Variants in DDX24 observed in about 807,000 individuals in gnomAD.
DDX24 encodes the protein DEAD-box helicase 24.
Under a neutral mutation model 68.9 loss-of-function variants are expected in DDX24, and 24 were observed. The ratio of observed to expected loss-of-function variants is 0.35; its 90% CI spans 0.25 to 0.49. DDX24 has a LOEUF of 0.49. Among genes scored for constraint, DDX24 ranks in the 20% least tolerant of loss-of-function variants. The pLI is 0.99. For missense variants in DDX24, 989 were observed against 1,039.0 expected (o/e 0.95, Z 0.66); for synonymous variants, 395 against 385.2 (o/e 1.03, Z -0.30).
rs1341953019 is a variant in DDX24 at position 94,060,222 on chromosome 14, T to G, written c.1789A>C (p.Ile597Leu). 1 of 1,614,210 alleles carries G rather than the reference T, an allele frequency of 6.2e-7. No homozygotes were observed. Among genetic ancestry groups the G allele is most frequent in the Non-Finnish European group, 8.5e-7 (1 of 1,180,044 alleles). Residue 597 changes from isoleucine to leucine, a missense_variant, in exon 5 of 9, where the codon ATC becomes CTC. Around this residue, in one of 3 missense-constraint regions of DDX24, gnomAD observed 691 missense variants for 760.0 expected, o/e 0.91. Coordinates refer to ENST00000621632, the MANE Select transcript of DDX24 (RefSeq NM_020414.4). ...PGRSLVFANSISCIKRLSGLL... is the reference protein window; with the variant it reads ...PGRSLVFANSLSCIKRLSGLL... Reference sequence around the variant, plus strand: ...CCAGAGAGGCGTTTGATGCAGGAGATACTGTTGGCAAACACTAAGCTGCGG... The same window carrying G: ...CCAGAGAGGCGTTTGATGCAGGAGAGACTGTTGGCAAACACTAAGCTGCGG...
At chr14:94,060,865 CA>C in intron 4 of DDX24, 47 bp downstream of exon 4, 1 of 1,605,908 alleles carries the variant, frequency 6.2e-7, no homozygotes, top group African/African-American at 1.3e-5. Context: ...ACCTAAGGCT[CA>C]TTTCAGAAAA....
At chr14:94,070,499 G>GA (rs1399294617) in intron 2 of DDX24, among the ~76,000 whole-genome samples, 2 of 152,058 alleles carry the variant, frequency 1.3e-5, no homozygotes, top group Admixed American at 1.3e-4. Flanking sequence ...CACAGAATTA[G>GA]AAAAAACAAT....
rs752303726 is a variant in DDX24, at chr14:94,079,064, T to G, written c.679A>C (p.Ile227Leu). Residue 227 changes from isoleucine to leucine, a missense_variant, in exon 2 of 9, where the codon ATC (isoleucine) becomes CTC (leucine). By Grantham distance (5) the Ile-to-Leu change is conservative. Coordinates refer to ENST00000621632, the MANE Select transcript of DDX24 (RefSeq NM_020414.4). The part of the protein sequence containing the change: ...PIQALTLAPA[I>L]RDKLDILGAA... ...CCAAGGATGTCCAGTTTGTCACGGATGGCAGGTGCCAAGGTCAGGGCTTGG... is the reference window on the plus strand; with the variant it reads ...CCAAGGATGTCCAGTTTGTCACGGAGGGCAGGTGCCAAGGTCAGGGCTTGG... 10 of 1,614,156 alleles carry G rather than the reference T, an allele frequency of 6.2e-6. No individual in the cohort carries two copies. The highest frequency in any genetic ancestry group is 8.5e-6 in the Non-Finnish European group (10 of 1,180,022).
chr14:94,049,011 A>C lies in DDX24; in HGVS notation c.*2180T>G, dbSNP rs367629354. 16 of 152,390 alleles carry C rather than the reference A, an allele frequency of 1.0e-4. No homozygotes were observed. The highest frequency in any genetic ancestry group is 3.6e-4 in the African/African-American group (15 of 41,588). The allele number at this position is 152,390 out of a possible 1,614,324, so 9.4% of individuals were successfully genotyped here. On this transcript the variant is annotated 3_prime_UTR_variant, in exon 9 of 9. Coordinates refer to ENST00000621632, the MANE Select transcript of DDX24 (RefSeq NM_020414.4). Reference sequence around the variant, plus strand: ...GCTTTTCCGTGGTGCTTATGTATTAAGTAGATTAGCTGGGGAGGGATATTC... The same window carrying C: ...GCTTTTCCGTGGTGCTTATGTATTACGTAGATTAGCTGGGGAGGGATATTC...
chr14:94,057,931 C>T (rs543844313), intron 5 of DDX24, 34 bp from the exon 6 acceptor site: 9 of 1,595,058 alleles, frequency 5.6e-6, no homozygotes, highest in Admixed American at 1.7e-5. Context: ...TTAATAATAA[C>T]TAACAGCTAT....
At chr14:94,064,816 C>G (rs1595376770) in intron 2 of DDX24, among the ~76,000 whole-genome samples, 2 of 152,298 alleles carry the variant, frequency 1.3e-5, no homozygotes, top group Admixed American at 1.3e-4. Flanking sequence ...TGGGAATACC[C>G]AATTTGTAGC....
rs145709289 is a variant in DDX24 at position 94,077,067 on chromosome 14, C to T, written c.718+1958G>A. On this transcript the variant is annotated intron_variant, in intron 2 of 8. Coordinates refer to ENST00000621632, the MANE Select transcript of DDX24 (RefSeq NM_020414.4). ...AACATTTTTTCTCTAGCTTATGTTA[C>T]TGTAAGAATAAAGTATATAATACAA... Among the ~76,000 whole-genome samples, 109 of 152,264 alleles carry T rather than the reference C, an allele frequency of 7.2e-4. 2 individuals carry two copies. The highest frequency in any genetic ancestry group is 2.6e-3 in the African/African-American group (107 of 41,542).
chr14:94,076,223 GAACA>G (rs1183685963), intron 2 of DDX24, among the ~76,000 whole-genome samples: 7 of 152,106 alleles, frequency 4.6e-5, no homozygotes, highest in Admixed American at 2.0e-4. Context: ...ATCAATAGAT[GAACA>G]AACTGCTCTA....
At chr14:94,059,259 C>T (rs1885546493) in intron 5 of DDX24, among the ~76,000 whole-genome samples, 3 of 152,222 alleles carry the variant, frequency 2.0e-5, no homozygotes, top group African/African-American at 7.2e-5. Context: ...TGTAGTCTGC[C>T]TCAACTTTCC....
At chr14:94,057,685 G>C (rs1213817799) in intron 6 of DDX24, 137 bp downstream of exon 6, 1 of 731,156 alleles carries the variant, frequency 1.4e-6, no homozygotes, top group African/African-American at 1.8e-5. Context: ...AGTGGGAGTA[G>C]TGGGCACTCG....
intron 1 of DDX24, among the ~76,000 whole-genome samples, chr14:94,080,652 A>C (rs1440432122): frequency 2.0e-5 from 3 of 152,128 alleles, no homozygotes; most frequent in Admixed American, 2.0e-4. Context: ...CGGCGAGGAG[A>C]GCACGTTCGC....
In DDX24 at chr14:94,060,527, G is replaced by A. The variant is rs549715925; in HGVS notation, c.1484C>T (p.Ser495Phe). ...CGTTTGTCTCTTTGGGTTGTATTGG[G>A]AGTCATTGAGCATCTCTAGCAGCTG... ...LSQLLEMLNDSQYNPKRQTLV... is the reference protein window; with the variant it reads ...LSQLLEMLNDFQYNPKRQTLV... Residue 495 changes from serine (S) to phenylalanine (F), a missense_variant, in exon 5 of 9, where the codon TCC becomes TTC. Transcript: ENST00000621632. 5 of 1,614,124 alleles carry A rather than the reference G, an allele frequency of 3.1e-6. No homozygotes were observed. Among genetic ancestry groups the A allele is most frequent in the African/African-American group, 2.7e-5 (2 of 75,014 alleles).
chr14:94,069,054 A>C (rs902092748), intron 2 of DDX24, among the ~76,000 whole-genome samples: 1 of 152,206 alleles, frequency 6.6e-6, no homozygotes, highest in Non-Finnish European at 1.5e-5. Context: ...AAACAAAAAA[A>C]CAAAAGATAA....
intron 5 of DDX24, among the ~76,000 whole-genome samples, chr14:94,059,731 C>G (rs1053161214): frequency 6.6e-6 from 1 of 152,186 alleles, no homozygotes; most frequent in South Asian, 2.1e-4. Context: ...ATTCTGGTTC[C>G]AGGATCTGTG....
chr14:94,058,701 A>G (rs902498940), intron 5 of DDX24, among the ~76,000 whole-genome samples: 3 of 152,184 alleles, frequency 2.0e-5, no homozygotes, highest in Non-Finnish European at 2.9e-5. Context: ...CTGGCCCTTC[A>G]GGGTCCTCAC....
chr14:94,079,470 C>A lies in DDX24; in HGVS notation c.273G>T (p.Lys91Asn), dbSNP rs1886013852. The change falls in exon 2 of 9, where the codon AAG (lysine) becomes AAT (asparagine). Residue 91 changes from lysine (K) to asparagine (N), a missense_variant. By Grantham distance (94) the Lys-to-Asn change is moderately conservative. Coordinates refer to ENST00000621632, the MANE Select transcript of DDX24 (RefSeq NM_020414.4). ...TGATCTTTTTCTTTGGTGAGCTAGA[C>A]TTTCCCTCCTCCTCCTCCTCTTCTT... ...VSEEEEEEEG[K>N]SSSPKKKIKL... 1 of 1,614,032 alleles carries A rather than the reference C, an allele frequency of 6.2e-7. No individual in the cohort carries two copies. The highest frequency in any genetic ancestry group is 8.5e-7 in the Non-Finnish European group (1 of 1,180,046).
At chr14:94,078,988 C>T in intron 2 of DDX24, 37 bp downstream of exon 2, 1 of 1,583,002 alleles carries the variant, frequency 6.3e-7, no homozygotes, top group Non-Finnish European at 8.6e-7. Context: ...TGGGCTCAAT[C>T]CAGAAGCAAT....
Position 94,073,246 on chromosome 14 carries a change from T to A in DDX24, c.718+5779A>T, listed in dbSNP as rs573761132. ...GACTACAGGCACATGCCACCACGCC[T>A]GGCTATTTTTTTGTATTTTTAGTAG... On this transcript the variant is annotated intron_variant, in intron 2 of 8. Coordinates refer to ENST00000621632, the MANE Select transcript of DDX24 (RefSeq NM_020414.4). Among the ~76,000 whole-genome samples, 485 of 152,184 alleles carry A rather than the reference T, an allele frequency of 3.2e-3. 4 individuals carry two copies. The highest frequency in any genetic ancestry group is 0.011 in the African/African-American group (473 of 41,504).
chr14:94,070,842 C>T (rs1401886002), intron 2 of DDX24, among the ~76,000 whole-genome samples: 3 of 152,168 alleles, frequency 2.0e-5, no homozygotes, highest in Admixed American at 6.5e-5. Flanking sequence ...CATCTCTCAC[C>T]TTATACAAAA....
Sources: gnomAD v4.1 joint callset for allele counts (sites outside exome capture counted in the v4.1 genomes callset) on GRCh38, gnomAD v4.1.1 for gene constraint, gnomAD v4.1.1 regional missense constraint, MANE v1.5 for transcripts, NCBI Gene and HGNC (gene_info 2026-07-23, HGNC 2026-07-21) for gene names.